LINC00632: variants seen among roughly 807,000 people sequenced by gnomAD.
The protein encoded by LINC00632 is long independently transcribed non-coding RNA 632.
chrX:140,758,155 T>A (rs5907632), intron 3 of LINC00632, among the ~76,000 whole-genome samples: 33,374 of 109,910 alleles, frequency 0.3, 3,938 homozygotes, highest in Non-Finnish European at 0.36. Flanking sequence ...ATATAAGCAT[T>A]TTAACCTATT....
chrX:140,725,013 CAT>C (rs1170075168), intron 2 of LINC00632, among the ~76,000 whole-genome samples: 2 of 1,748 alleles, frequency 1.1e-3, no homozygotes, highest in Non-Finnish European at 2.8e-3. Context: ...CACACACATT[CAT>C]ACACACACAC....
At chrX:140,758,180 G>C (rs1367628971) in intron 3 of LINC00632, among the ~76,000 whole-genome samples, 1 of 110,184 alleles carries the variant, frequency 9.1e-6, no homozygotes, top group Non-Finnish European at 1.9e-5. Context: ...ATCTTACCAG[G>C]TGCTAAGATA....
At chrX:140,765,390 C>T (rs943594252) in intron 3 of LINC00632, among the ~76,000 whole-genome samples, 6 of 111,810 alleles carry the variant, frequency 5.4e-5, no homozygotes, top group Admixed American at 4.8e-4. Flanking sequence ...GCATTGGAAC[C>T]GCCCGATCCC....
At chrX:140,724,681 TAC>T (rs1173833599) in intron 2 of LINC00632, among the ~76,000 whole-genome samples, 5 of 56,912 alleles carry the variant, frequency 8.8e-5, no homozygotes, top group East Asian at 6.1e-4. Context: ...ACACATTCCA[TAC>T]ACACACAGAC....
chrX:140,721,435 C>T (rs1167170836), intron 2 of LINC00632, among the ~76,000 whole-genome samples: 1 of 111,611 alleles, frequency 9.0e-6, no homozygotes, highest in Non-Finnish European at 1.9e-5. Flanking sequence ...AACTGTTCTG[C>T]CTCAGATCAT....
intron 3 of LINC00632, among the ~76,000 whole-genome samples, chrX:140,766,873 T>C (rs1931700348): frequency 8.9e-6 from 1 of 111,926 alleles, no homozygotes; most frequent in African/African-American, 3.2e-5. Flanking sequence ...ACCGTTTTGA[T>C]AGGAATATGT....
At chrX:140,785,268 A>G (rs1263424861) in exon 5 of LINC00632, among the ~76,000 whole-genome samples, 2 of 111,354 alleles carry the variant, frequency 1.8e-5, no homozygotes, top group Admixed American at 1.9e-4. Context: ...AGATCCTTAC[A>G]TGCATTAACT....
chrX:140,764,355 CGGGGGCGGGGGT>C (rs1285375643), intron 3 of LINC00632, among the ~76,000 whole-genome samples: 1 of 3,134 alleles, frequency 3.2e-4, no homozygotes, highest in African/African-American at 1.2e-3. Context: ...CGGAGTGGGG[CGGGGGCGGGGGT>C]GGGGGTGGGG....
At chrX:140,791,184 C>CTT (rs201637814) in exon 5 of LINC00632, among the ~76,000 whole-genome samples, 2,484 of 111,182 alleles carry the variant, frequency 0.022, 78 homozygotes, top group African/African-American at 0.077. Flanking sequence ...TCTTGATTGA[C>CTT]TTATAATTTT....
chrX:140,745,736 A>T (rs1353599694), intron 3 of LINC00632, among the ~76,000 whole-genome samples: 1 of 112,097 alleles, frequency 8.9e-6, no homozygotes, highest in African/African-American at 3.2e-5. Flanking sequence ...GAGGGTAGAA[A>T]GTTATCTGGT....
chrX:140,786,356 T>C (rs1041967973), exon 5 of LINC00632, among the ~76,000 whole-genome samples: 1 of 111,657 alleles, frequency 9.0e-6, no homozygotes, highest in Non-Finnish European at 1.9e-5. Context: ...TATTTATCAA[T>C]TGTTAAGGCC....
At chrX:140,730,322 T>A (rs991524862) in intron 2 of LINC00632, among the ~76,000 whole-genome samples, 7 of 111,072 alleles carry the variant, frequency 6.3e-5, no homozygotes, top group South Asian at 3.9e-4. Context: ...CATCACCCAC[T>A]TTCCTATCAG....
chrX:140,777,174 A>G (rs1484762137), exon 5 of LINC00632, among the ~76,000 whole-genome samples: 2 of 110,389 alleles, frequency 1.8e-5, no homozygotes, highest in Non-Finnish European at 3.8e-5. Flanking sequence ...GAGCATTAGG[A>G]CAAATACCTA....
At chrX:140,768,758 A>G (rs1159766598) in intron 3 of LINC00632, among the ~76,000 whole-genome samples, 1 of 100,307 alleles carries the variant, frequency 1.0e-5, no homozygotes, top group African/African-American at 3.6e-5. Context: ...TATTTATCAT[A>G]TATAATAAAA....
chrX:140,735,756 G>A (rs986197764), intron 3 of LINC00632, among the ~76,000 whole-genome samples: 12 of 110,610 alleles, frequency 1.1e-4, no homozygotes, highest in Middle Eastern at 4.7e-3. Flanking sequence ...TAGCAGAGAC[G>A]GGGTTTTCCA....
exon 5 of LINC00632, among the ~76,000 whole-genome samples, chrX:140,780,195 G>A (rs1022428264): frequency 9.0e-6 from 1 of 111,437 alleles, no homozygotes; most frequent in Non-Finnish European, 1.9e-5. Flanking sequence ...AAATTGTTGT[G>A]ATTATTATTA....
At chrX:140,758,132 C>A (rs1602748154) in intron 3 of LINC00632, among the ~76,000 whole-genome samples, 1 of 110,996 alleles carries the variant, frequency 9.0e-6, no homozygotes, top group East Asian at 2.8e-4. Context: ...AACCTTTCTA[C>A]CATTGTGCTA....
chrX:140,741,195 T>C, intron 3 of LINC00632, among the ~76,000 whole-genome samples: 1 of 111,840 alleles, frequency 8.9e-6, no homozygotes, highest in Non-Finnish European at 1.9e-5. Flanking sequence ...GTTGAAACAG[T>C]AAAGGTTGAA....
At chrX:140,776,484 G>A (rs1259267531) in exon 5 of LINC00632, among the ~76,000 whole-genome samples, 1 of 113,003 alleles carries the variant, frequency 8.8e-6, no homozygotes, top group Admixed American at 9.3e-5. Flanking sequence ...CGCGTCCGGC[G>A]CTGTCCCTCT....
Sources: allele counts gnomAD v4.1 joint callset (sites outside exome capture counted in the v4.1 genomes callset), GRCh38; gene constraint gnomAD v4.1.1; transcripts MANE v1.5; gene names NCBI Gene and HGNC (gene_info 2026-07-23, HGNC 2026-07-21).